Variants in COL26A1 observed in about 807,000 individuals in gnomAD.
COL26A1 encodes collagen alpha-1(XXVI) chain.
COL26A1 carries 41 observed loss-of-function variants against 59.3 expected under a neutral mutation model. That is an observed-to-expected ratio of 0.69 (90% confidence interval 0.54 to 0.90). COL26A1 has a LOEUF of 0.90. Among genes scored for constraint, COL26A1 ranks in the 40% least tolerant of loss-of-function variants. The pLI is 0.00. For synonymous variants in COL26A1, 266 were observed against 256.0 expected, an observed-to-expected ratio of 1.04 and a Z score of -0.37; for missense variants, 612 against 602.3, an observed-to-expected ratio of 1.02 and a Z score of -0.17.
At chr7:101,426,741 T>A (rs962248358) in intron 2 of COL26A1, among the ~76,000 whole-genome samples, 1 of 152,126 alleles carries the variant, frequency 6.6e-6, no homozygotes, top group Non-Finnish European at 1.5e-5. Flanking sequence ...CACTGAGCCT[T>A]GCTGTAATAA....
intron 3 of COL26A1, among the ~76,000 whole-genome samples, chr7:101,471,644 G>A (rs896294389): frequency 4.5e-5 from 6 of 132,300 alleles, no homozygotes; most frequent in Non-Finnish European, 9.3e-5. Context: ...CAGTGGCACA[G>A]TCTCAGCTCA....
chr7:101,451,222 G>A (rs1471811419), intron 3 of COL26A1, among the ~76,000 whole-genome samples: 4 of 142,692 alleles, frequency 2.8e-5, no homozygotes, highest in Non-Finnish European at 6.0e-5. Context: ...TATAAAATAT[G>A]TTACTGTAGA....
intron 3 of COL26A1, among the ~76,000 whole-genome samples, chr7:101,476,130 A>C (rs376124340): frequency 6.9e-6 from 1 of 145,682 alleles, no homozygotes; most frequent in Non-Finnish European, 1.5e-5. Flanking sequence ...GCATGCCACC[A>C]CTCCCAGCTA....
chr7:101,451,512 G>C (rs1238349773), intron 3 of COL26A1, among the ~76,000 whole-genome samples: 1 of 148,974 alleles, frequency 6.7e-6, no homozygotes, highest in Non-Finnish European at 1.5e-5. Flanking sequence ...ATGCCAAGTA[G>C]AACATTTTGG....
intron 3 of COL26A1, among the ~76,000 whole-genome samples, chr7:101,498,439 G>A (rs1794633629): frequency 6.6e-6 from 1 of 152,168 alleles, no homozygotes; most frequent in South Asian, 2.1e-4. Flanking sequence ...GATAGAGAGA[G>A]GAGACCCAGG....
intron 3 of COL26A1, among the ~76,000 whole-genome samples, chr7:101,499,491 C>A (rs549875842): frequency 6.6e-6 from 1 of 152,264 alleles, no homozygotes; most frequent in African/African-American, 2.4e-5. Flanking sequence ...CGAGACCAGC[C>A]TGGCCAACCT....
At position 101,531,211 on chromosome 7, in the gene COL26A1, T is replaced by C. The variant is rs574992894; in HGVS notation, c.386-1871T>C. ...TTGTCTCGATCTCCTGACCTCATGA[T>C]CCTCCCGCCTTGGCCTCCCAAAGTG... On this transcript the variant is annotated intron_variant, in intron 3 of 12. Transcript: ENST00000313669. Among the ~76,000 whole-genome samples, 3 of 152,272 alleles carry C rather than the reference T, an allele frequency of 2.0e-5. No homozygotes were observed. The South Asian group carries it at 6.2e-4, about 32-fold the overall frequency.
chr7:101,387,918 C>T (rs956815502), intron 1 of COL26A1, among the ~76,000 whole-genome samples: 3 of 150,718 alleles, frequency 2.0e-5, no homozygotes, highest in African/African-American at 4.9e-5. Flanking sequence ...TATAGGCATG[C>T]GCCACCATAC....
At chr7:101,520,662 A>ACACACACACACACACACACC (rs915256077) in intron 3 of COL26A1, among the ~76,000 whole-genome samples, 32 of 143,352 alleles carry the variant, frequency 2.2e-4, no homozygotes, top group African/African-American at 5.7e-4. Flanking sequence ...ACACACACAC[A>ACACACACACACACACACACC]CCCCCGTGTT....
At chr7:101,413,241 G>A (rs1012055167) in intron 1 of COL26A1, among the ~76,000 whole-genome samples, 8 of 152,056 alleles carry the variant, frequency 5.3e-5, no homozygotes, top group East Asian at 3.9e-4. Flanking sequence ...ACTTGTGGCC[G>A]GGCGCGGTGG....
intron 3 of COL26A1, among the ~76,000 whole-genome samples, chr7:101,492,699 A>T (rs377336307): frequency 5.7e-5 from 8 of 141,178 alleles, no homozygotes; most frequent in South Asian, 2.3e-4. Flanking sequence ...TCTGTCTCAA[A>T]AAATAAATAA....
chr7:101,398,627 C>T (rs569678273), intron 1 of COL26A1, among the ~76,000 whole-genome samples: 2 of 152,266 alleles, frequency 1.3e-5, no homozygotes, highest in South Asian at 2.1e-4. Flanking sequence ...CGTGTGCTTC[C>T]GTGAGCCAGA....
intron 4 of COL26A1, among the ~76,000 whole-genome samples, chr7:101,537,219 T>C (rs1795499763): frequency 6.6e-6 from 1 of 152,196 alleles, no homozygotes; most frequent in Admixed American, 6.5e-5. Context: ...CCACCCTCTA[T>C]TCCTGGGACA....
At chr7:101,555,238 A>G (rs1431445072) in intron 11 of COL26A1, among the ~76,000 whole-genome samples, 3 of 152,110 alleles carry the variant, frequency 2.0e-5, no homozygotes, top group Non-Finnish European at 4.4e-5. Flanking sequence ...AGACTCTGCC[A>G]TCACGCCAGC....
chr7:101,383,659 C>G (rs1791499905), intron 1 of COL26A1, among the ~76,000 whole-genome samples: 1 of 152,178 alleles, frequency 6.6e-6, no homozygotes, highest in Non-Finnish European at 1.5e-5. Context: ...CTCAGCCCCC[C>G]TAGTAGCTGG....
chr7:101,510,393 C>T (rs1377988953), intron 3 of COL26A1, among the ~76,000 whole-genome samples: 3 of 152,056 alleles, frequency 2.0e-5, no homozygotes, highest in East Asian at 1.9e-4. Context: ...TCAGTAATTC[C>T]GTTCACTGTG....
At chr7:101,430,655 A>T (rs1459602954) in intron 2 of COL26A1, among the ~76,000 whole-genome samples, 2 of 151,810 alleles carry the variant, frequency 1.3e-5, no homozygotes, top group African/African-American at 4.8e-5. Flanking sequence ...ATATTTATAT[A>T]TTGATCTCGT....
intron 1 of COL26A1, among the ~76,000 whole-genome samples, chr7:101,398,827 G>T (rs11770876): frequency 0.087 from 13,261 of 152,082 alleles, 590 homozygotes; most frequent in East Asian, 0.095. Context: ...GCATTATCAG[G>T]CGGCAGTCTG....
At chr7:101,483,990 AGTGTGTGTGTGTGTGTGTGTGT>A (rs55863250) in intron 3 of COL26A1, among the ~76,000 whole-genome samples, 9 of 127,926 alleles carry the variant, frequency 7.0e-5, no homozygotes, top group African/African-American at 1.8e-4. Context: ...AACTTTTTAA[AGTGTGTGTGTGTGTGTGTGTGT>A]GTGTGTGTGT....
Sources: gnomAD v4.1 joint callset for allele counts (sites outside exome capture counted in the v4.1 genomes callset) on GRCh38, gnomAD v4.1.1 for gene constraint, MANE v1.5 for transcripts, NCBI Gene and HGNC (gene_info 2026-07-23, HGNC 2026-07-21) for gene names.